PRTG: variants seen among roughly 807,000 people sequenced by gnomAD.
The protein encoded by PRTG is protogenin, also known as immunoglobulin superfamily, DCC subclass, member 5.
PRTG carries 67 observed loss-of-function variants against 122.5 expected under a neutral mutation model. The ratio of observed to expected loss-of-function variants is 0.55; its 90% CI spans 0.45 to 0.67. The LOEUF (loss-of-function observed/expected upper bound fraction) is 0.67. PRTG is among the 30% of genes least tolerant of loss of function. The probability of loss-of-function intolerance (pLI) is 0.00; values close to 1 mark genes in which losing one functional copy is unlikely to be tolerated. For synonymous variants in PRTG, 554 were observed against 501.1 expected (o/e 1.11, Z -1.41); for missense variants, 1,435 against 1,415.4 (o/e 1.01, Z -0.22).
At position 55,740,566 on chromosome 15, in the gene PRTG, T is replaced by C. The variant is rs2141898715; in HGVS notation, c.213A>G (p.Thr71=). 2 of 1,614,166 alleles carry C rather than the reference T, an allele frequency of 1.2e-6. No homozygotes were observed. Among genetic ancestry groups the C allele is most frequent in the Non-Finnish European group, 1.7e-6 (2 of 1,180,032 alleles). ...ACATTTTTGCTCCATTTTTCAACCA[T>C]GTGACCTTAATAGGAACTTCTCCGT... ...QAHGEVPIKV[T]WLKNGAKMSE... Residue 71 remains threonine (T), a synonymous_variant, in exon 2 of 20, where the codon ACA becomes ACG. Coordinates refer to ENST00000389286, the MANE Select transcript of PRTG (RefSeq NM_173814.6).
At chr15:55,733,835 A>AAAC (rs370070328) in intron 2 of PRTG, among the ~76,000 whole-genome samples, 202 of 152,172 alleles carry the variant, frequency 1.3e-3, no homozygotes, top group Middle Eastern at 3.4e-3. Context: ...TCAACAACAA[A>AAAC]AACAACAACA....
chr15:55,738,382 T>G, intron 2 of PRTG: 3 of 640,346 alleles, frequency 4.7e-6, no homozygotes, highest in Middle Eastern at 2.4e-4. Context: ...AAAGTGTTTC[T>G]GGAAGCCCTA....
At chr15:55,635,061 G>C (rs4238317) in intron 15 of PRTG, among the ~76,000 whole-genome samples, 147,332 of 151,758 alleles carry the variant, frequency 0.97, 71,667 homozygotes, top group East Asian at 1. Flanking sequence ...GGAGCCCTCT[G>C]TTGTTGGTTC....
chr15:55,683,640 C>G (rs2059553860), intron 3 of PRTG, 147 bp downstream of exon 3: 4 of 586,196 alleles, frequency 6.8e-6, no homozygotes, highest in Non-Finnish European at 1.1e-5. Context: ...TGATCTAATT[C>G]TTTGGCTAAG....
At position 55,624,363 on chromosome 15, in the gene PRTG, TG is replaced by T. The variant is rs1299489653; in HGVS notation, c.3071del (p.Pro1024GlnfsTer13). 17 of 1,613,984 alleles carry T rather than the reference TG, an allele frequency of 1.1e-5. No homozygotes were observed. The African/African-American group carries it at 2.0e-4, about 19-fold the overall frequency. ...GTACCTTTGCATCAATGAAGCTGTTTGGCATGATCATTGGCATTAAAGATTC... is the reference window on the plus strand; with the variant it reads ...GTACCTTTGCATCAATGAAGCTGTTTGCATGATCATTGGCATTAAAGATTC... ...NEESLMPMIM[P>X]NSFIDAKGGT... On this transcript the variant is annotated frameshift_variant, in exon 18 of 20. Transcript: ENST00000389286. LOFTEE classifies it high-confidence loss of function.
rs1179711311 is a variant in PRTG, at chr15:55,614,570, A to T, written c.*5442T>A. The T allele has an allele frequency of 1.3e-5, 2 of 152,176 alleles. No homozygotes were observed. Among genetic ancestry groups the T allele is most frequent in the Non-Finnish European group, 2.9e-5 (2 of 68,006 alleles). 9.4% of individuals were successfully genotyped at this position (152,176 alleles called of 1,614,324 possible). A position where few individuals can be genotyped will look rare whatever the true frequency, so the allele number is the denominator to read the frequency against. On this transcript the variant is annotated 3_prime_UTR_variant, in exon 20 of 20. Transcript: ENST00000389286. The stretch of plus-strand genomic sequence containing the variant: ...GAGAAAAGGAGAAAGGGTAACTATA[A>T]GAAGAGTTTTCAATTCTTTTTCTGA...
intron 11 of PRTG, among the ~76,000 whole-genome samples, chr15:55,668,022 A>G (rs1386730208): frequency 6.6e-6 from 1 of 152,222 alleles, no homozygotes; most frequent in African/African-American, 2.4e-5. Context: ...CCTGGGAGAC[A>G]GGTTGCAGTG....
At chr15:55,645,567 A>C (rs925225804) in intron 11 of PRTG, among the ~76,000 whole-genome samples, 2 of 152,008 alleles carry the variant, frequency 1.3e-5, no homozygotes, top group African/African-American at 4.8e-5. Context: ...AGAACTAAGG[A>C]TATAGGGTAA....
rs1567076962 is a variant in PRTG, at chr15:55,635,074, G to GTGT, written c.2623+2095_2623+2096insACA. On this transcript the variant is annotated intron_variant, in intron 15 of 19. Coordinates refer to ENST00000389286, the MANE Select transcript of PRTG (RefSeq NM_173814.6). ...GGGGAGCCCTCTGTTGTTGGTTCTGGGTGTGTGTGTGTGTGTGTGTGTGTG... is the reference window on the plus strand; with the variant it reads ...GGGGAGCCCTCTGTTGTTGGTTCTGGTGTGTGTGTGTGTGTGTGTGTGTGTGTG... Among the ~76,000 whole-genome samples the GTGT allele has an allele frequency of 7.5e-3, 1,014 of 135,392 alleles. 15 individuals are homozygous for GTGT. Among genetic ancestry groups the GTGT allele is most frequent in the African/African-American group, 0.024 (818 of 34,270 alleles). The allele number at this position is 135,392 out of a possible 152,430, so 88.8% of individuals were successfully genotyped here.
intron 2 of PRTG, among the ~76,000 whole-genome samples, chr15:55,688,301 C>T (rs1016627695): frequency 2.0e-5 from 3 of 152,154 alleles, no homozygotes; most frequent in Admixed American, 2.0e-4. Context: ...TGTGGCTCCT[C>T]CTTCCTGTCT....
Position 55,683,824 on chromosome 15 carries a change from C to G in PRTG, c.505G>C (p.Glu169Gln). 2 of 1,613,906 alleles carry G rather than the reference C, an allele frequency of 1.2e-6. No homozygotes were observed. Among genetic ancestry groups the G allele is most frequent in the Non-Finnish European group, 1.7e-6 (2 of 1,179,910 alleles). Residue 169 changes from glutamate to glutamine, a missense_variant, in exon 3 of 20, where the codon GAG (glutamate) becomes CAG (glutamine). Glu to Gln is a conservative substitution (Grantham distance 29). Transcript: ENST00000389286. ...ATAGGTAGAGTTGTCCGATTGAACTCCCATGTTATGACTGCAGGAGGGTGG... is the reference window on the plus strand; with the variant it reads ...ATAGGTAGAGTTGTCCGATTGAACTGCCATGTTATGACTGCAGGAGGGTGG... ...SSHPPAVITW[E>Q]FNRTTLPMTM...
chr15:55,713,524 C>T (rs1409691137), intron 2 of PRTG, among the ~76,000 whole-genome samples: 1 of 152,174 alleles, frequency 6.6e-6, no homozygotes, highest in Non-Finnish European at 1.5e-5. Context: ...CCCGATATTG[C>T]CAAATTACTC....
At chr15:55,620,390 A>G in intron 19 of PRTG, 124 bp from the exon 20 acceptor site, 1 of 1,489,834 alleles carries the variant, frequency 6.7e-7, no homozygotes, top group Non-Finnish European at 8.9e-7. Context: ...GCGAAGTGTC[A>G]AAAGCTTCTT....
intron 11 of PRTG, among the ~76,000 whole-genome samples, chr15:55,654,093 A>G (rs1218476773): frequency 6.6e-6 from 1 of 152,224 alleles, no homozygotes; most frequent in East Asian, 1.9e-4. Flanking sequence ...GGAAGGTCCC[A>G]CAAACATGGT....
chr15:55,669,891 T>C lies in PRTG; in HGVS notation c.2041+2554A>G, dbSNP rs941998501. Among the ~76,000 whole-genome samples, 5 of 152,326 alleles carry C rather than the reference T, an allele frequency of 3.3e-5. No homozygotes were observed. In the South Asian group the frequency reaches 8.3e-4, roughly 25 times the overall value. ...AAACATGCAGCTATTTTAATAGACA[T>C]AGTATATTGACAAAATAATTTTCCA... On this transcript the variant is annotated intron_variant, in intron 11 of 19. Coordinates refer to ENST00000389286, the MANE Select transcript of PRTG (RefSeq NM_173814.6).
intron 11 of PRTG, among the ~76,000 whole-genome samples, chr15:55,651,444 G>A (rs2059352639): frequency 6.6e-6 from 1 of 152,064 alleles, no homozygotes; most frequent in Non-Finnish European, 1.5e-5. Flanking sequence ...CAAGACCCAA[G>A]GCAAAAGCTA....
intron 8 of PRTG, among the ~76,000 whole-genome samples, chr15:55,676,917 G>A (rs1324858520): frequency 2.0e-5 from 3 of 152,044 alleles, no homozygotes; most frequent in African/African-American, 7.2e-5. Context: ...CTACTTCAAA[G>A]TACAAAAAAC....
intron 2 of PRTG, among the ~76,000 whole-genome samples, chr15:55,704,179 C>T (rs2029994067): frequency 6.6e-6 from 1 of 152,210 alleles, no homozygotes; most frequent in Admixed American, 6.5e-5. Context: ...CAAGAGATGC[C>T]TTTCTTATGC....
chr15:55,718,984 C>T (rs779450677), intron 2 of PRTG, among the ~76,000 whole-genome samples: 2 of 152,064 alleles, frequency 1.3e-5, no homozygotes, highest in Non-Finnish European at 2.9e-5. Context: ...ACCTCAGGTA[C>T]TCTGCCCACC....
Sources: allele counts gnomAD v4.1 joint callset (sites outside exome capture counted in the v4.1 genomes callset), GRCh38; gene constraint gnomAD v4.1.1; transcripts MANE v1.5; gene names NCBI Gene and HGNC (gene_info 2026-07-23, HGNC 2026-07-21).